Variants in ZNF423 observed in about 807,000 individuals in gnomAD.
ZNF423 encodes the protein Ebf-associated zinc finger protein.
Under a neutral mutation model 95.8 loss-of-function variants are expected in ZNF423, and 12 were observed. The ratio of observed to expected loss-of-function variants is 0.13; its 90% CI spans 0.08 to 0.20. ZNF423 has a LOEUF of 0.20. Ranked by LOEUF, ZNF423 falls within the 10% of genes least tolerant of loss-of-function variation. The pLI is 1.00. For missense variants in ZNF423, 1,316 were observed against 1,737.1 expected (o/e 0.76, Z 4.31); for synonymous variants, 749 against 711.9 (o/e 1.05, Z -0.83).
At chr16:49,768,276 C>T (rs905704974) in intron 2 of ZNF423, among the ~76,000 whole-genome samples, 2 of 151,914 alleles carry the variant, frequency 1.3e-5, no homozygotes, top group African/African-American at 4.9e-5. Context: ...ATGGGCCAGT[C>T]TGCAGACGAG....
chr16:49,851,379 G>T (rs1045608516), intron 1 of ZNF423, among the ~76,000 whole-genome samples: 3 of 152,228 alleles, frequency 2.0e-5, no homozygotes, highest in African/African-American at 7.2e-5. Flanking sequence ...ACAGTTAAGA[G>T]AAATCAATGC....
At chr16:49,700,195 C>CAAAAAA (rs3084468) in intron 3 of ZNF423, among the ~76,000 whole-genome samples, 1 of 96,582 alleles carries the variant, frequency 1.0e-5, no homozygotes, top group African/African-American at 4.1e-5. Context: ...CCCAGGATTT[C>CAAAAAA]AAAAAAAAAA....
chr16:49,535,596 C>T (rs1293278582), intron 5 of ZNF423, among the ~76,000 whole-genome samples: 1 of 152,164 alleles, frequency 6.6e-6, no homozygotes, highest in Non-Finnish European at 1.5e-5. Flanking sequence ...AGCGGGACTT[C>T]ACTGAGAACC....
intron 2 of ZNF423, among the ~76,000 whole-genome samples, chr16:49,774,872 G>T (rs924873318): frequency 2.6e-5 from 4 of 152,182 alleles, no homozygotes; most frequent in African/African-American, 9.6e-5. Flanking sequence ...AAGGGATGAA[G>T]GACAGATTCT....
chr16:49,590,353 G>A (rs886296079), intron 5 of ZNF423, among the ~76,000 whole-genome samples: 3 of 151,930 alleles, frequency 2.0e-5, no homozygotes, highest in Non-Finnish European at 4.4e-5. Context: ...TCCCAGCCCC[G>A]GCTCACACCC....
intron 2 of ZNF423, among the ~76,000 whole-genome samples, chr16:49,745,899 T>A (rs1350774988): frequency 6.6e-6 from 1 of 152,186 alleles, no homozygotes; most frequent in Non-Finnish European, 1.5e-5. Flanking sequence ...CTGAGGGGAC[T>A]GGGACCCAGT....
chr16:49,729,758 C>G (rs1363386927), intron 3 of ZNF423, among the ~76,000 whole-genome samples: 1 of 151,884 alleles, frequency 6.6e-6, no homozygotes, highest in Admixed American at 6.6e-5. Context: ...GCACAGATGT[C>G]ACTAGAGGGC....
intron 3 of ZNF423, among the ~76,000 whole-genome samples, chr16:49,726,029 C>T (rs2033004929): frequency 6.6e-6 from 1 of 152,184 alleles, no homozygotes; most frequent in Non-Finnish European, 1.5e-5. Context: ...ATATATCAGG[C>T]CAGCAGCCCC....
chr16:49,725,250 T>G (rs1168407305), intron 3 of ZNF423, among the ~76,000 whole-genome samples: 2 of 152,024 alleles, frequency 1.3e-5, no homozygotes, highest in Non-Finnish European at 1.5e-5. Context: ...CCAGGTATGG[T>G]GGGGCATGCC....
chr16:49,620,556 G>A (rs1032857530), intron 5 of ZNF423, among the ~76,000 whole-genome samples: 3 of 152,026 alleles, frequency 2.0e-5, no homozygotes, highest in African/African-American at 7.2e-5. Context: ...CTGGCTGCCC[G>A]CCAGAGAGTC....
intron 5 of ZNF423, among the ~76,000 whole-genome samples, chr16:49,598,557 G>T (rs1432060225): frequency 6.6e-6 from 1 of 152,240 alleles, no homozygotes; most frequent in Non-Finnish European, 1.5e-5. Context: ...CCTCGCTGCT[G>T]ACAGACCCCA....
At chr16:49,619,276 C>T (rs895268019) in intron 5 of ZNF423, among the ~76,000 whole-genome samples, 2 of 152,058 alleles carry the variant, frequency 1.3e-5, no homozygotes, top group African/African-American at 2.4e-5. Context: ...CAGAGCCCAC[C>T]GAGGATTTTA....
rs375477675 is a variant in ZNF423 at position 49,745,715 on chromosome 16, C to A, written c.101-14744G>T. 5.3e-5 allele frequency among the ~76,000 whole-genome samples: 8 copies of A among 152,174 alleles called. No individual in the cohort carries two copies. The East Asian group carries it at 1.5e-3, about 29-fold the overall frequency. On this transcript the variant is annotated intron_variant, in intron 2 of 7. Transcript: ENST00000563137. ...AGGGAGAGAGGAGGTGGCAGGGTGT[C>A]TATTAAATGCTAACTCGTGTCACCA...
intron 5 of ZNF423, among the ~76,000 whole-genome samples, chr16:49,533,595 G>T (rs990371740): frequency 2.0e-5 from 3 of 152,236 alleles, no homozygotes; most frequent in Non-Finnish European, 4.4e-5. Flanking sequence ...TAAACTCCCT[G>T]TGAGATTTCC....
intron 5 of ZNF423, among the ~76,000 whole-genome samples, chr16:49,596,913 C>A (rs1971199278): frequency 6.6e-6 from 1 of 152,196 alleles, no homozygotes; most frequent in East Asian, 1.9e-4. Flanking sequence ...CACAGCCCAG[C>A]CATTCTGTTC....
At chr16:49,794,040 T>G (rs2034459048) in intron 1 of ZNF423, among the ~76,000 whole-genome samples, 1 of 151,902 alleles carries the variant, frequency 6.6e-6, no homozygotes, top group African/African-American at 2.4e-5. Context: ...TCTCTCTCTC[T>G]CTCTCTCGCT....
At chr16:49,500,524 G>A (rs1019821570) in intron 7 of ZNF423, among the ~76,000 whole-genome samples, 1 of 152,132 alleles carries the variant, frequency 6.6e-6, no homozygotes. Context: ...CTAAAAGATG[G>A]GGCCCCAATC....
chr16:49,697,344 A>G (rs2032012861), intron 3 of ZNF423, among the ~76,000 whole-genome samples: 2 of 152,102 alleles, frequency 1.3e-5, no homozygotes, highest in South Asian at 2.1e-4. Context: ...GAACAAGCAC[A>G]TGATGTTTTT....
chr16:49,646,568 C>CTTTTTTTTTTTTTTTTT (rs1194511671), intron 3 of ZNF423, among the ~76,000 whole-genome samples: 4 of 120,740 alleles, frequency 3.3e-5, no homozygotes, highest in Non-Finnish European at 5.4e-5. Context: ...ATTTTCTTTT[C>CTTTTTTTTTTTTTTTTT]TTTTTCTTTT....
Sources: gnomAD v4.1 joint callset for allele counts (sites outside exome capture counted in the v4.1 genomes callset) on GRCh38, gnomAD v4.1.1 for gene constraint, MANE v1.5 for transcripts, NCBI Gene and HGNC (gene_info 2026-07-23, HGNC 2026-07-21) for gene names.